Variants in SPIRE1 observed in about 807,000 individuals in gnomAD.
SPIRE1 encodes the protein spire type actin nucleation factor 1.
A neutral mutation model predicts 94.1 loss-of-function variants in SPIRE1; 40 were observed. The ratio of observed to expected loss-of-function variants is 0.43; its 90% confidence interval spans 0.33 to 0.55. The LOEUF (loss-of-function observed/expected upper bound fraction) is 0.55. SPIRE1 is among the 20% of genes least tolerant of loss of function. The probability of loss-of-function intolerance (pLI) is 0.06; values close to 1 mark genes in which losing one functional copy is unlikely to be tolerated. For synonymous variants in SPIRE1, 376 were observed against 371.7 expected (o/e 1.01, Z -0.13); for missense variants, 838 against 975.2 (o/e 0.86, Z 1.87).
At chr18:12,622,327 A>G (rs1175771435) in intron 2 of SPIRE1, among the ~76,000 whole-genome samples, 1 of 152,216 alleles carries the variant, frequency 6.6e-6, no homozygotes, top group Admixed American at 6.5e-5. Flanking sequence ...GCAGATGAAC[A>G]ATACATAACA....
rs1484442072 is a variant in SPIRE1, at chr18:12,535,503, A to G, written c.702T>C (p.Phe234=). ...CTTTCGCACTCTTAATTTTGGTCAG[A>G]AATGTATGGAGCTCCATTGTTTCTG... The part of the protein sequence containing the change: ...LFAETMELHT[F]LTKIKSAKEN... The change falls in exon 4 of 17, where the codon TTT becomes TTC. Residue 234 remains phenylalanine, a synonymous_variant. Coordinates refer to ENST00000409402, the MANE Select transcript of SPIRE1 (RefSeq NM_001128626.2). 1 of 1,613,496 alleles carries G rather than the reference A, an allele frequency of 6.2e-7. No homozygotes were observed. The highest frequency in any genetic ancestry group is 1.7e-5 in the Admixed American group (1 of 60,018).
chr18:12,651,943 A>G (rs146797794), intron 1 of SPIRE1, among the ~76,000 whole-genome samples: 599 of 152,300 alleles, frequency 3.9e-3, no homozygotes, highest in Middle Eastern at 0.01. Flanking sequence ...ACCTTCTACC[A>G]ACCTTAAGAT....
chr18:12,658,289 G>T, upstream of SPIRE1: 1 of 446,684 alleles, frequency 2.2e-6, no homozygotes, highest in Non-Finnish European at 4.4e-6. Context: ...GTCGCAGGCG[G>T]TGACGCCCGG....
At chr18:12,520,299 T>A (rs998393244) in intron 4 of SPIRE1, among the ~76,000 whole-genome samples, 15 of 152,234 alleles carry the variant, frequency 9.9e-5, no homozygotes, top group African/African-American at 3.6e-4. Context: ...TAGACAAAAA[T>A]AGAAGGGTAC....
In SPIRE1 at chr18:12,517,846, TA is replaced by T. The variant is rs142341822; in HGVS notation, c.730-5316del. ...TAATTAAATCCTTCTTATTCACATA[TA>T]TGTTCATATATTAAAATAATAATGT... On this transcript the variant is annotated intron_variant, in intron 4 of 16. Coordinates refer to ENST00000409402, the MANE Select transcript of SPIRE1 (RefSeq NM_001128626.2). Among the ~76,000 whole-genome samples, 1,268 of 152,342 alleles carry T rather than the reference TA, an allele frequency of 8.3e-3. 17 individuals carry two copies. The highest frequency in any genetic ancestry group is 0.029 in the African/African-American group (1,215 of 41,564).
chr18:12,485,945 T>C lies in SPIRE1; in HGVS notation c.1231+14A>G, dbSNP rs1176625391. 1.3e-6 allele frequency: 2 copies of C among 1,532,438 alleles called. No individual in the cohort carries two copies. Among genetic ancestry groups the C allele is most frequent in the Admixed American group, 2.1e-5 (1 of 46,706 alleles). 94.9% of individuals were successfully genotyped at this position (1,532,438 alleles called of 1,614,324 possible). On this transcript the variant is annotated intron_variant, in intron 9 of 16. Transcript: ENST00000409402. Reference sequence around the variant, plus strand: ...AACCCACGTCAGGTGTAAAAGTGTTTTTGTTTTTTTTACCTGACAAGTCAA... The same window carrying C: ...AACCCACGTCAGGTGTAAAAGTGTTCTTGTTTTTTTTACCTGACAAGTCAA...
intron 9 of SPIRE1, among the ~76,000 whole-genome samples, chr18:12,482,672 C>T (rs908977238): frequency 4.6e-5 from 7 of 152,038 alleles, no homozygotes; most frequent in African/African-American, 1.7e-4. Flanking sequence ...CCAGTGGCTG[C>T]CTTGAGTTCA....
intron 10 of SPIRE1, among the ~76,000 whole-genome samples, chr18:12,466,472 G>A (rs2143638799): frequency 6.6e-6 from 1 of 152,024 alleles, no homozygotes; most frequent in African/African-American, 2.4e-5. Context: ...TGTAGAGATG[G>A]CGTTTCACCA....
intron 2 of SPIRE1, among the ~76,000 whole-genome samples, chr18:12,617,111 C>T (rs144196535): frequency 0.032 from 4,798 of 149,498 alleles, 111 homozygotes; most frequent in Middle Eastern, 0.053. Context: ...CCTCCAGCCT[C>T]GGCCTCCCAA....
intron 1 of SPIRE1, among the ~76,000 whole-genome samples, chr18:12,637,587 C>T (rs751538317): frequency 2.0e-5 from 3 of 152,064 alleles, no homozygotes; most frequent in African/African-American, 4.8e-5. Context: ...ACAAACCTAA[C>T]GTGAGAAGAA....
rs73951119 is a variant in SPIRE1, at chr18:12,643,733, C to T, written c.338-8637G>A. ...CACTTTGCCATTTTTAGCTATTTAACCTTTACTATAAACATTTTTAGCTAT... is the reference window on the plus strand; with the variant it reads ...CACTTTGCCATTTTTAGCTATTTAATCTTTACTATAAACATTTTTAGCTAT... On this transcript the variant is annotated intron_variant, in intron 1 of 16. Coordinates refer to ENST00000409402, the MANE Select transcript of SPIRE1 (RefSeq NM_001128626.2). Among the ~76,000 whole-genome samples, 1,008 of 152,172 alleles carry T rather than the reference C, an allele frequency of 6.6e-3. 10 individuals are homozygous for T. Among genetic ancestry groups the T allele is most frequent in the African/African-American group, 0.022 (929 of 41,516 alleles).
intron 3 of SPIRE1, among the ~76,000 whole-genome samples, chr18:12,544,495 C>T (rs1021608015): frequency 2.0e-5 from 3 of 151,510 alleles, no homozygotes; most frequent in South Asian, 2.1e-4. Flanking sequence ...TCAGCTATCG[C>T]GCCCAGTCGT....
chr18:12,529,908 C>T (rs894172344), intron 4 of SPIRE1, among the ~76,000 whole-genome samples: 1 of 152,176 alleles, frequency 6.6e-6, no homozygotes, highest in Non-Finnish European at 1.5e-5. Context: ...TCACTGATGA[C>T]TAATGTTACT....
At chr18:12,621,928 CTGA>C (rs1425482714) in intron 2 of SPIRE1, among the ~76,000 whole-genome samples, 2 of 152,108 alleles carry the variant, frequency 1.3e-5, no homozygotes, top group Admixed American at 6.6e-5. Context: ...TCTAATTTTG[CTGA>C]TAATGGGTTT....
At chr18:12,543,836 T>C (rs894049166) in intron 3 of SPIRE1, among the ~76,000 whole-genome samples, 6 of 152,242 alleles carry the variant, frequency 3.9e-5, no homozygotes, top group African/African-American at 1.4e-4. Flanking sequence ...CAGATAATTC[T>C]TGTCTTCTCT....
chr18:12,476,510 C>T (rs1229678745), intron 10 of SPIRE1, among the ~76,000 whole-genome samples: 9 of 129,484 alleles, frequency 7.0e-5, no homozygotes, highest in African/African-American at 2.5e-4. Flanking sequence ...CATTGTGCTA[C>T]AGCCTGGCTG....
At chr18:12,624,874 ATT>A (rs1299417503) in intron 2 of SPIRE1, among the ~76,000 whole-genome samples, 1 of 152,046 alleles carries the variant, frequency 6.6e-6, no homozygotes, top group Non-Finnish European at 1.5e-5. Flanking sequence ...CTCCCAGATA[ATT>A]TGAGTTATTC....
intron 12 of SPIRE1, among the ~76,000 whole-genome samples, chr18:12,460,190 A>G (rs1298936580): frequency 6.6e-6 from 1 of 152,168 alleles, no homozygotes; most frequent in Non-Finnish European, 1.5e-5. Flanking sequence ...AAACACTCTG[A>G]GTTTCCTCAG....
At chr18:12,493,976 C>T (rs1424218311) in intron 7 of SPIRE1, among the ~76,000 whole-genome samples, 1 of 152,194 alleles carries the variant, frequency 6.6e-6, no homozygotes, top group African/African-American at 2.4e-5. Context: ...ACGATCATGG[C>T]TCACTGTGGT....
Sources: gnomAD v4.1 joint callset for allele counts (sites outside exome capture counted in the v4.1 genomes callset) on GRCh38, gnomAD v4.1.1 for gene constraint, MANE v1.5 for transcripts, NCBI Gene and HGNC (gene_info 2026-07-23, HGNC 2026-07-21) for gene names.